MALRD1: variants seen among roughly 807,000 people sequenced by gnomAD.
MALRD1 encodes MAM and LDL receptor class A domain containing 1.
In MALRD1, 247 loss-of-function variants were observed where a neutral mutation model predicts 242.1. That is an observed-to-expected ratio of 1.02 (90% CI 0.92 to 1.13). MALRD1 has a LOEUF of 1.13. MALRD1 is among the 50% of genes most tolerant of loss of function. The pLI is 0.00. For synonymous variants in MALRD1, 995 were observed against 866.6 expected (o/e 1.15, Z -2.60); for missense variants, 2,989 against 2,533.1 (o/e 1.18, Z -3.86).
At chr10:19,230,915 G>A (rs1363354993) in intron 18 of MALRD1, among the ~76,000 whole-genome samples, 1 of 151,882 alleles carries the variant, frequency 6.6e-6, no homozygotes, top group East Asian at 1.9e-4. Context: ...ATGTAGTTTT[G>A]ATTAACTGGC....
intron 29 of MALRD1, among the ~76,000 whole-genome samples, chr10:19,470,307 T>C (rs555821535): frequency 6.6e-6 from 1 of 152,140 alleles, no homozygotes; most frequent in African/African-American, 2.4e-5. Flanking sequence ...TAATATTCCA[T>C]TGCGTGTGTA....
At chr10:19,205,699 G>A (rs1836752518) in intron 17 of MALRD1, among the ~76,000 whole-genome samples, 1 of 151,992 alleles carries the variant, frequency 6.6e-6, no homozygotes, top group South Asian at 2.1e-4. Flanking sequence ...AAAACCCTGA[G>A]ATGTGGCTGC....
At chr10:19,137,721 A>T (rs1833400333) in intron 10 of MALRD1, among the ~76,000 whole-genome samples, 1 of 152,100 alleles carries the variant, frequency 6.6e-6, no homozygotes, top group Non-Finnish European at 1.5e-5. Flanking sequence ...CTTTGATAGA[A>T]GTGATGACAA....
At chr10:19,648,228 C>G (rs1840730095) in intron 36 of MALRD1, among the ~76,000 whole-genome samples, 1 of 152,076 alleles carries the variant, frequency 6.6e-6, no homozygotes. Flanking sequence ...CCAACATGAC[C>G]AAATAGAAAG....
intron 26 of MALRD1, among the ~76,000 whole-genome samples, chr10:19,363,230 G>T (rs1156758907): frequency 6.6e-6 from 1 of 152,026 alleles, no homozygotes; most frequent in African/African-American, 2.4e-5. Flanking sequence ...CTTGAAGAAT[G>T]AATAATAAAG....
intron 21 of MALRD1, among the ~76,000 whole-genome samples, chr10:19,292,083 A>C: frequency 7.1e-6 from 1 of 140,906 alleles, no homozygotes; most frequent in East Asian, 2.0e-4. Context: ...ACCGTCTCAA[A>C]AAAAAAAAAA....
intron 24 of MALRD1, among the ~76,000 whole-genome samples, chr10:19,336,604 T>C (rs11009509): frequency 0.58 from 88,334 of 152,034 alleles, 25,855 homozygotes; most frequent in Middle Eastern, 0.61. Flanking sequence ...AGGAAACTCC[T>C]GTTGTTTAGG....
chr10:19,409,191 T>A (rs1833165604), intron 28 of MALRD1, among the ~76,000 whole-genome samples: 1 of 152,170 alleles, frequency 6.6e-6, no homozygotes, highest in African/African-American at 2.4e-5. Context: ...CCTGGATGAA[T>A]CACTAAAAAA....
At chr10:19,489,710 T>C (rs1356331893) in intron 29 of MALRD1, among the ~76,000 whole-genome samples, 1 of 152,164 alleles carries the variant, frequency 6.6e-6, no homozygotes, top group Admixed American at 6.5e-5. Flanking sequence ...AGTTTTTATA[T>C]CCTATAATAC....
chr10:19,165,898 A>C, intron 13 of MALRD1, 88 bp downstream of exon 13: 890 of 980,636 alleles, frequency 9.1e-4, no homozygotes, highest in South Asian at 1.1e-3. Flanking sequence ...CACATAGCTC[A>C]TACCTTTTCA....
intron 32 of MALRD1, among the ~76,000 whole-genome samples, chr10:19,561,713 C>CA (rs1554800737): frequency 5.2e-5 from 1 of 19,250 alleles, no homozygotes; most frequent in Non-Finnish European, 9.8e-5. Context: ...TGCCTCTCAG[C>CA]ATTTTTTTTT....
chr10:19,289,079 A>G (rs1243409066), intron 21 of MALRD1, among the ~76,000 whole-genome samples: 2 of 151,098 alleles, frequency 1.3e-5, no homozygotes, highest in Non-Finnish European at 3.0e-5. Flanking sequence ...TTTTTCTTTA[A>G]TTTTTTTCCT....
chr10:19,448,636 C>T (rs549801921), intron 28 of MALRD1, among the ~76,000 whole-genome samples: 1 of 151,970 alleles, frequency 6.6e-6, no homozygotes, highest in Non-Finnish European at 1.5e-5. Flanking sequence ...TGTCATGTTA[C>T]CTTGTACTGG....
intron 11 of MALRD1, among the ~76,000 whole-genome samples, chr10:19,150,416 G>C (rs189759610): frequency 6.6e-6 from 1 of 152,072 alleles, no homozygotes; most frequent in Non-Finnish European, 1.5e-5. Context: ...TGCAGATTTC[G>C]GGAGCTTGCT....
chr10:19,475,870 A>G (rs1308544920), intron 29 of MALRD1, among the ~76,000 whole-genome samples: 1 of 152,212 alleles, frequency 6.6e-6, no homozygotes, highest in Non-Finnish European at 1.5e-5. Context: ...ATTAAAGCAC[A>G]TTAATGTTAT....
intron 28 of MALRD1, among the ~76,000 whole-genome samples, chr10:19,411,076 C>T (rs1467826094): frequency 6.6e-6 from 1 of 152,130 alleles, no homozygotes; most frequent in South Asian, 2.1e-4. Context: ...AATGAGAAGA[C>T]TTTAAATATC....
intron 28 of MALRD1, among the ~76,000 whole-genome samples, chr10:19,394,151 T>C (rs1564302242): frequency 6.6e-6 from 1 of 152,208 alleles, no homozygotes. Context: ...AGAGCCCTCC[T>C]GATATAGCAA....
chr10:19,689,038 A>T (rs977536594), intron 36 of MALRD1, among the ~76,000 whole-genome samples: 1 of 152,236 alleles, frequency 6.6e-6, no homozygotes, highest in African/African-American at 2.4e-5. Flanking sequence ...AAAAGTTTGC[A>T]CTAAAAATAT....
chr10:19,576,630 A>G (rs778369254), intron 33 of MALRD1, among the ~76,000 whole-genome samples: 2 of 152,208 alleles, frequency 1.3e-5, no homozygotes, highest in South Asian at 2.1e-4. Context: ...GTCTCTGTCT[A>G]TAAAATGATC....
Sources: gnomAD v4.1 joint callset for allele counts (sites outside exome capture counted in the v4.1 genomes callset) on GRCh38, gnomAD v4.1.1 for gene constraint, MANE v1.5 for transcripts, NCBI Gene and HGNC (gene_info 2026-07-23, HGNC 2026-07-21) for gene names.